The following PRMT9 variants were observed in gnomAD, a reference collection of about 807,000 sequenced individuals.
PRMT9 encodes the protein protein arginine N-methyltransferase 9.
PRMT9 carries 59 observed loss-of-function variants against 83.2 expected under a neutral mutation model. The observed-to-expected ratio is 0.71, with a 90% CI of 0.57 to 0.88. PRMT9 has a LOEUF of 0.88. PRMT9 is among the 40% of genes least tolerant of loss of function. The pLI is 0.00. For synonymous variants in PRMT9, 333 were observed against 353.2 expected, an observed-to-expected ratio of 0.94 and a Z score of 0.64; for missense variants, 947 against 1,021.9, an observed-to-expected ratio of 0.93 and a Z score of 1.00.
intron 2 of PRMT9, among the ~76,000 whole-genome samples, chr4:147,676,176 G>C (rs2126635915): frequency 6.6e-6 from 1 of 152,304 alleles, no homozygotes; most frequent in South Asian, 2.1e-4. Context: ...ACTGGTAACT[G>C]CTCAGACTAA....
intron 4 of PRMT9, among the ~76,000 whole-genome samples, chr4:147,672,700 T>C (rs2126631104): frequency 6.6e-6 from 1 of 152,296 alleles, no homozygotes; most frequent in South Asian, 2.1e-4. Context: ...AACACTGAAA[T>C]TAACAAAGGT....
rs1161793390 is a variant in PRMT9 at position 147,684,089 on chromosome 4, A to G, written c.-102T>C. The G allele has an allele frequency of 1.5e-6, 2 of 1,307,000 alleles. No individual in the cohort carries two copies. 81.0% of individuals were successfully genotyped at this position (1,307,000 alleles called of 1,614,324 possible). ...CAGGGACCAGACAACTGCTCAAAAA[A>G]CAGCACAGCAAAGTTACCCTCCGCC... On this transcript the variant is annotated 5_prime_UTR_variant, in exon 1 of 12. Coordinates refer to ENST00000322396, the MANE Select transcript of PRMT9 (RefSeq NM_138364.4).
intron 8 of PRMT9, among the ~76,000 whole-genome samples, chr4:147,657,129 C>T (rs1578900466): frequency 6.6e-6 from 1 of 152,044 alleles, no homozygotes; most frequent in Non-Finnish European, 1.5e-5. Flanking sequence ...GCTCCACAGA[C>T]GTTATCGGCT....
chr4:147,655,362 T>C (rs1324026945), intron 8 of PRMT9, among the ~76,000 whole-genome samples: 28 of 151,830 alleles, frequency 1.8e-4, no homozygotes, highest in Non-Finnish European at 2.1e-4. Context: ...GAGGTCTTGC[T>C]ATTTTACCCA....
At chr4:147,642,715 CAG>C in intron 10 of PRMT9, 70 bp downstream of exon 10, 1 of 1,304,686 alleles carries the variant, frequency 7.7e-7, no homozygotes, top group South Asian at 1.2e-5. Context: ...CTAGATTAAA[CAG>C]TGACTAAAGA....
rs1733206654 is a variant in PRMT9, at chr4:147,639,076, T to C, written c.2206A>G (p.Ile736Val). The change falls in exon 11 of 12, where the codon ATA becomes GTA. Residue 736 changes from isoleucine (I) to valine (V), a missense_variant. Physicochemically the swap from Ile to Val is conservative, Grantham distance 29. Transcript: ENST00000322396. ...APFINQFQVP[I>V]RVFLDLSSLP... Reference sequence around the variant, plus strand: ...GAGGATAGGTCCAAAAATACACGTATAGGTACCTAGAGAAAGTATAAATTT... The same window carrying C: ...GAGGATAGGTCCAAAAATACACGTACAGGTACCTAGAGAAAGTATAAATTT... The C allele has an allele frequency of 1.2e-6, 2 of 1,613,448 alleles. No individual in the cohort carries two copies. The highest frequency in any genetic ancestry group is 1.1e-5 in the South Asian group (1 of 91,070).
intron 1 of PRMT9, among the ~76,000 whole-genome samples, chr4:147,682,210 G>A (rs1046984467): frequency 4.6e-5 from 7 of 151,258 alleles, no homozygotes; most frequent in Admixed American, 1.3e-4. Context: ...ACAGAGTTTC[G>A]CTCTTGTTGC....
intron 5 of PRMT9, among the ~76,000 whole-genome samples, chr4:147,669,714 T>C (rs1489816638): frequency 6.6e-6 from 1 of 152,144 alleles, no homozygotes; most frequent in Non-Finnish European, 1.5e-5. Context: ...AAAACTGCTC[T>C]TTTCAACCTT....
At chr4:147,683,720 CTTTTTTTTTTTTCTGTTTTT>C (rs1736656709) in intron 1 of PRMT9, 59 bp downstream of exon 1, 1 of 965,070 alleles carries the variant, frequency 1.0e-6, no homozygotes. Context: ...AGCCCCTCCG[CTTTTTTTTTTTTCTGTTTTT>C]TTTTTTTTTT....
At chr4:147,663,215 A>G (rs1312562723) in intron 6 of PRMT9, among the ~76,000 whole-genome samples, 6 of 151,542 alleles carry the variant, frequency 4.0e-5, no homozygotes, top group Non-Finnish European at 8.8e-5. Context: ...TCACCATGTT[A>G]GCCAGGATGG....
At chr4:147,673,245 A>G (rs930718452) in intron 3 of PRMT9, 119 bp from the exon 4 acceptor site, 37 of 821,464 alleles carry the variant, frequency 4.5e-5, no homozygotes, top group Non-Finnish European at 7.4e-5. Flanking sequence ...CACAACCATT[A>G]CTCACTCTGC....
chr4:147,662,783 A>T (rs1243805684), intron 6 of PRMT9, among the ~76,000 whole-genome samples: 1 of 152,146 alleles, frequency 6.6e-6, no homozygotes, highest in Non-Finnish European at 1.5e-5. Flanking sequence ...TAGGCAACAG[A>T]GCGAGACCCT....
At chr4:147,681,951 C>CTA (rs906793682) in intron 1 of PRMT9, among the ~76,000 whole-genome samples, 5 of 152,174 alleles carry the variant, frequency 3.3e-5, no homozygotes, top group Non-Finnish European at 7.4e-5. Context: ...AGGAAACAGA[C>CTA]TAGTTGCTTA....
At chr4:147,660,627 CAAAGAAAGAAAAG>C in intron 7 of PRMT9, among the ~76,000 whole-genome samples, 1 of 151,206 alleles carries the variant, frequency 6.6e-6, no homozygotes, top group Non-Finnish European at 1.5e-5. Context: ...AAGACACTGT[CAAAGAAAGAAAAG>C]AAAGAAAGGA....
In PRMT9 at chr4:147,644,373, T is replaced by TAA. The variant is rs56271212; in HGVS notation, c.2046-1435_2046-1434dup. On this transcript the variant is annotated intron_variant, in intron 9 of 11. Coordinates refer to ENST00000322396, the MANE Select transcript of PRMT9 (RefSeq NM_138364.4). ...GGTTACACACTCCAAATGCAAAATT[T>TAA]AAAAAAAAAAAAAAAGTCCAAATAC... Among the ~76,000 whole-genome samples, 23 of 143,054 alleles carry TAA rather than the reference T, an allele frequency of 1.6e-4. No homozygotes were observed. The South Asian group carries it at 2.0e-3, about 13-fold the overall frequency. 93.8% of individuals were successfully genotyped at this position (143,054 alleles called of 152,430 possible). A position where few individuals can be genotyped will look rare whatever the true frequency, so the allele number is the denominator to read the frequency against.
In PRMT9 at chr4:147,680,441, C is replaced by G; in HGVS notation, c.220G>C (p.Ala74Pro). 6.2e-7 allele frequency: 1 copy of G among 1,613,934 alleles called. No individual in the cohort carries two copies. The highest frequency in any genetic ancestry group is 8.5e-7 in the Non-Finnish European group (1 of 1,179,862). ...CGACTGAGAGCATCAAGCTCTTCAG[C>G]CCATCTGAAAAGTGTGTACTGAAAA... is the stretch of plus-strand genomic sequence containing the variant. ...ETFQYTLFRWAEELDALSRIQ... is the reference protein window; with the variant it reads ...ETFQYTLFRWPEELDALSRIQ... The change falls in exon 2 of 12, where the codon GCT (alanine) becomes CCT (proline). Residue 74 changes from alanine (A) to proline (P), a missense_variant. By Grantham distance (27) the Ala-to-Pro change is conservative. Transcript: ENST00000322396.
Position 147,683,714 on chromosome 4 carries a change from C to T in PRMT9, c.189+85G>A. ...AACCACCCACCCAGGCACCCTAGCC[C>T]CTCCGCTTTTTTTTTTTTCTGTTTT... On this transcript the variant is annotated intron_variant, in intron 1 of 11. Transcript: ENST00000322396. 16 of 1,365,204 alleles carry T rather than the reference C, an allele frequency of 1.2e-5. 1 individual carries two copies. In the South Asian group the frequency reaches 1.6e-4, roughly 14 times the overall value. The allele number at this position is 1,365,204 out of a possible 1,614,324, so 84.6% of individuals were successfully genotyped here. A position where few individuals can be genotyped will look rare whatever the true frequency, so the allele number is the denominator to read the frequency against.
In PRMT9 at chr4:147,683,856, G is replaced by C; in HGVS notation, c.132C>G (p.Ala44=). ...TGAGCACGAGGAGGTAGTGGGCATA[G>C]GCAGTGCCGAAGTCCTGGACGCCCA... ...HCLGVQDFGT[A]YAHYLLVLSL... is the part of the protein sequence containing the mutation. Residue 44 remains alanine, a synonymous_variant, in exon 1 of 12, where the codon GCC becomes GCG. Coordinates refer to ENST00000322396, the MANE Select transcript of PRMT9 (RefSeq NM_138364.4). The C allele has an allele frequency of 6.2e-7, 1 of 1,613,600 alleles. No homozygotes were observed. Among genetic ancestry groups the C allele is most frequent in the Non-Finnish European group, 8.5e-7 (1 of 1,180,002 alleles).
At chr4:147,664,381 T>C (rs1735176624) in intron 6 of PRMT9, among the ~76,000 whole-genome samples, 1 of 152,224 alleles carries the variant, frequency 6.6e-6, no homozygotes. Context: ...TCTCCTTTCA[T>C]CTTAAACAGT....
Sources: allele counts gnomAD v4.1 joint callset (sites outside exome capture counted in the v4.1 genomes callset), GRCh38; gene constraint gnomAD v4.1.1; transcripts MANE v1.5; gene names NCBI Gene and HGNC (gene_info 2026-07-23, HGNC 2026-07-21).